B3GALT1: variants seen among roughly 807,000 people sequenced by gnomAD.
The protein encoded by B3GALT1 is UDP-Gal:betaGlcNAc beta 1,3-galactosyltransferase, polypeptide 1.
Under a neutral mutation model 23.2 loss-of-function variants are expected in B3GALT1, and 10 were observed. The observed-to-expected ratio is 0.43, with a 90% CI of 0.27 to 0.73. The LOEUF (loss-of-function observed/expected upper bound fraction) is 0.73, where lower values mean the gene tolerates loss of function less well. Ranked by LOEUF, B3GALT1 falls within the 30% of genes least tolerant of loss-of-function variation. The pLI, the probability that B3GALT1 is intolerant of heterozygous loss-of-function variation, is 0.21. For synonymous variants in B3GALT1, 156 were observed against 141.5 expected (o/e 1.10, Z -0.73); for missense variants, 299 against 405.4 (o/e 0.74, Z 2.25).
At chr2:167,561,330 C>T (rs1248136909) in intron 2 of B3GALT1, among the ~76,000 whole-genome samples, 1 of 152,076 alleles carries the variant, frequency 6.6e-6, no homozygotes, top group Non-Finnish European at 1.5e-5. Context: ...ATTTATAGGA[C>T]TAAATGCCCA....
intron 1 of B3GALT1, among the ~76,000 whole-genome samples, chr2:167,478,203 C>T (rs1202561531): frequency 1.3e-5 from 2 of 152,192 alleles, no homozygotes; most frequent in Non-Finnish European, 2.9e-5. Context: ...AAGGAGTTTG[C>T]TTTACCTGCT....
At chr2:167,321,032 G>C (rs1310249504) in intron 1 of B3GALT1, among the ~76,000 whole-genome samples, 2 of 151,996 alleles carry the variant, frequency 1.3e-5, no homozygotes, top group Non-Finnish European at 2.9e-5. Context: ...AATGAACTTT[G>C]TTTGAAAAGT....
At chr2:167,456,615 C>T (rs1015146698) in intron 1 of B3GALT1, among the ~76,000 whole-genome samples, 1 of 152,182 alleles carries the variant, frequency 6.6e-6, no homozygotes, top group Non-Finnish European at 1.5e-5. Context: ...GCTAGAAAGT[C>T]AAGGGTTCCC....
intron 3 of B3GALT1, chr2:167,714,257 C>T: frequency 2.0e-6 from 3 of 1,502,470 alleles, no homozygotes; most frequent in Admixed American, 3.4e-5. Flanking sequence ...AAACATCATC[C>T]TACGGTCCTG....
At chr2:167,631,931 G>A (rs1391150855) in intron 2 of B3GALT1, among the ~76,000 whole-genome samples, 4 of 151,892 alleles carry the variant, frequency 2.6e-5, no homozygotes, top group Non-Finnish European at 4.4e-5. Context: ...TTCTCCTAAT[G>A]CTATCCCTCC....
chr2:167,673,031 A>G (rs567817442), intron 3 of B3GALT1, among the ~76,000 whole-genome samples: 7 of 146,514 alleles, frequency 4.8e-5, no homozygotes, highest in Non-Finnish European at 1.0e-4. Flanking sequence ...AAGGTGCAAA[A>G]TAAAAAAAAA....
Position 167,685,486 on chromosome 2 carries a change from A to G in B3GALT1, c.-352+38520A>G, listed in dbSNP as rs1017105287. On this transcript the variant is annotated intron_variant, in intron 3 of 4. Transcript: ENST00000392690. ...TTTCAGCGCTTCTGAGAAGGCCTTTAGCAAAGAAGCTCAGGAAAGGCCTGT... is the reference window on the plus strand; with the variant it reads ...TTTCAGCGCTTCTGAGAAGGCCTTTGGCAAAGAAGCTCAGGAAAGGCCTGT... 4.6e-5 allele frequency among the ~76,000 whole-genome samples: 7 copies of G among 152,188 alleles called. No individual in the cohort carries two copies. The South Asian group carries it at 1.4e-3, about 32-fold the overall frequency.
intron 3 of B3GALT1, among the ~76,000 whole-genome samples, chr2:167,679,584 G>C (rs896950310): frequency 3.3e-5 from 5 of 152,250 alleles, no homozygotes; most frequent in Non-Finnish European, 5.9e-5. Context: ...GAACATTGTA[G>C]TGGCCTCTGA....
In B3GALT1 at chr2:167,494,317, G is replaced by A. The variant is rs371544482; in HGVS notation, c.-410+4040G>A. 2.8e-4 allele frequency among the ~76,000 whole-genome samples: 42 copies of A among 150,268 alleles called. No individual in the cohort carries two copies. In the East Asian group the frequency reaches 4.7e-3, roughly 17 times the overall value. On this transcript the variant is annotated intron_variant, in intron 2 of 4. Coordinates refer to ENST00000392690, the MANE Select transcript of B3GALT1 (RefSeq NM_020981.4). ...TATATAAAAGATATCAGTTATGGGCGACAGAGTGAGACTCCTCTCAAAAAA... is the reference window on the plus strand; with the variant it reads ...TATATAAAAGATATCAGTTATGGGCAACAGAGTGAGACTCCTCTCAAAAAA...
intron 1 of B3GALT1, among the ~76,000 whole-genome samples, chr2:167,326,821 C>A (rs1696903548): frequency 6.6e-6 from 1 of 152,058 alleles, no homozygotes; most frequent in Non-Finnish European, 1.5e-5. Context: ...TCCTGAGTAG[C>A]TGGGATTACA....
At chr2:167,862,362 G>A (rs1690118319) in intron 4 of B3GALT1, among the ~76,000 whole-genome samples, 1 of 152,192 alleles carries the variant, frequency 6.6e-6, no homozygotes, top group South Asian at 2.1e-4. Flanking sequence ...TGGTGTCTGA[G>A]CTCAGGAGGA....
chr2:167,829,938 G>C (rs79220461), intron 4 of B3GALT1, among the ~76,000 whole-genome samples: 15,396 of 152,146 alleles, frequency 0.1, 994 homozygotes, highest in Middle Eastern at 0.19. Context: ...GCCAGGAGAA[G>C]GGGCTGACTA....
rs573536930 is a variant in B3GALT1, at chr2:167,730,907, G to A, written c.-352+83941G>A. Among the ~76,000 whole-genome samples, 13 of 152,154 alleles carry A rather than the reference G, an allele frequency of 8.5e-5. No individual in the cohort carries two copies. The East Asian group carries it at 1.5e-3, about 18-fold the overall frequency. On this transcript the variant is annotated intron_variant, in intron 3 of 4. Coordinates refer to ENST00000392690, the MANE Select transcript of B3GALT1 (RefSeq NM_020981.4). ...ACTTACAATGTGCCATACTCCATAC[G>A]AATTTCCTTCCAAATACTATCTCAG... is the stretch of plus-strand genomic sequence containing the variant.
intron 1 of B3GALT1, among the ~76,000 whole-genome samples, chr2:167,465,721 C>T (rs577333630): frequency 2.6e-5 from 4 of 151,876 alleles, no homozygotes; most frequent in East Asian, 1.9e-4. Context: ...TCAAAAAGAA[C>T]GCCAAGAAGC....
rs1228198978 is a variant in B3GALT1 at position 167,751,756 on chromosome 2, A to G, written c.-351-66916A>G. On this transcript the variant is annotated intron_variant, in intron 3 of 4. Coordinates refer to ENST00000392690, the MANE Select transcript of B3GALT1 (RefSeq NM_020981.4). The stretch of plus-strand genomic sequence containing the variant: ...TCATTTAGTCATCCAAGTTTTTCTC[A>G]GACAATTCCTGGGGTACTGCAAGAT... Among the ~76,000 whole-genome samples, 4 of 152,182 alleles carry G rather than the reference A, an allele frequency of 2.6e-5. No homozygotes were observed. In the East Asian group the frequency reaches 7.7e-4, roughly 29 times the overall value.
intron 1 of B3GALT1, among the ~76,000 whole-genome samples, chr2:167,378,098 A>G (rs1697792759): frequency 6.6e-6 from 1 of 152,218 alleles, no homozygotes; most frequent in Non-Finnish European, 1.5e-5. Context: ...TTGGCAGGAT[A>G]TGAAGTTCTT....
At chr2:167,501,168 A>G (rs892574352) in intron 2 of B3GALT1, among the ~76,000 whole-genome samples, 1 of 152,134 alleles carries the variant, frequency 6.6e-6, no homozygotes, top group African/African-American at 2.4e-5. Flanking sequence ...AGTAAATGGA[A>G]ATGGACTTTG....
chr2:167,646,821 A>G (rs568448224), intron 2 of B3GALT1, among the ~76,000 whole-genome samples, 88 bp from the exon 3 acceptor site: 2 of 152,316 alleles, frequency 1.3e-5, no homozygotes, highest in African/African-American at 2.4e-5. Flanking sequence ...GTGGGTGTCT[A>G]TTATTGTAAG....
chr2:167,855,821 C>T (rs1689990737), intron 4 of B3GALT1, among the ~76,000 whole-genome samples: 1 of 152,050 alleles, frequency 6.6e-6, no homozygotes, highest in Non-Finnish European at 1.5e-5. Flanking sequence ...GTCTGATGGA[C>T]TTTCAAATTA....
Sources: allele counts gnomAD v4.1 joint callset (sites outside exome capture counted in the v4.1 genomes callset), GRCh38; gene constraint gnomAD v4.1.1; transcripts MANE v1.5; gene names NCBI Gene and HGNC (gene_info 2026-07-23, HGNC 2026-07-21).